AK7: variants seen among roughly 807,000 people sequenced by gnomAD.
AK7 encodes adenylate kinase 7.
A neutral mutation model predicts 96.6 loss-of-function variants in AK7; 78 were observed. The observed-to-expected ratio is 0.81, with a 90% CI of 0.67 to 0.97. The LOEUF is 0.97. AK7 is among the 50% of genes least tolerant of loss of function. The probability of loss-of-function intolerance (pLI) is 0.00; values close to 1 mark genes in which losing one functional copy is unlikely to be tolerated. For missense variants in AK7, 855 were observed against 887.9 expected (o/e 0.96, Z 0.47); for synonymous variants, 302 against 317.2 (o/e 0.95, Z 0.51).
At chr14:96,478,224 G>T (rs979290356) in intron 14 of AK7, among the ~76,000 whole-genome samples, 3 of 150,220 alleles carry the variant, frequency 2.0e-5, no homozygotes, top group Admixed American at 1.3e-4. Context: ...AGAGAGGGAG[G>T]GGGGAAGAAA....
At chr14:96,425,219 A>C (rs1162294224) in intron 5 of AK7, among the ~76,000 whole-genome samples, 1 of 152,212 alleles carries the variant, frequency 6.6e-6, no homozygotes, top group African/African-American at 2.4e-5. Flanking sequence ...TGGCCCAGGC[A>C]CTGTGATGAG....
intron 5 of AK7, among the ~76,000 whole-genome samples, chr14:96,423,106 C>G (rs1194702934): frequency 2.6e-5 from 4 of 152,136 alleles, no homozygotes; most frequent in African/African-American, 9.7e-5. Context: ...AGGGCCATGC[C>G]CCAACAACAG....
At chr14:96,487,432 C>CTTT (rs1164556067) in intron 17 of AK7, among the ~76,000 whole-genome samples, 1 of 119,542 alleles carries the variant, frequency 8.4e-6, no homozygotes, top group Non-Finnish European at 1.7e-5. Context: ...CTGCCTGAAT[C>CTTT]TTTTTTTTTT....
intron 3 of AK7, among the ~76,000 whole-genome samples, chr14:96,405,792 T>C (rs967977416): frequency 2.0e-5 from 3 of 152,222 alleles, no homozygotes; most frequent in Non-Finnish European, 4.4e-5. Flanking sequence ...TAGAGAGTGC[T>C]TGTATTTTGA....
chr14:96,392,597 TG>T (rs1889816679), intron 1 of AK7, among the ~76,000 whole-genome samples: 1 of 152,214 alleles, frequency 6.6e-6, no homozygotes, highest in South Asian at 2.1e-4. Context: ...CCAGGTCTCT[TG>T]CCCCCTCCTA....
At position 96,398,061 on chromosome 14, in the gene AK7, C is replaced by G. The variant is rs193004081; in HGVS notation, c.106-14C>G. 3 of 1,607,932 alleles carry G rather than the reference C, an allele frequency of 1.9e-6. No homozygotes were observed. Among genetic ancestry groups the G allele is most frequent in the Non-Finnish European group, 2.6e-6 (3 of 1,176,342 alleles). ...TTTTCTCTTACCATTTGGGAAATTT[C>G]TGTTTCCTTGCAGTTTCTATCTAAC... On this transcript the variant is annotated splice_polypyrimidine_tract_variant and intron_variant, in intron 1 of 17. Transcript: ENST00000267584.
At chr14:96,410,491 A>G (rs1040105338) in intron 4 of AK7, among the ~76,000 whole-genome samples, 1 of 152,134 alleles carries the variant, frequency 6.6e-6, no homozygotes, top group Non-Finnish European at 1.5e-5. Context: ...TCTTTCTTTT[A>G]TGGTTTCTTT....
intron 14 of AK7, 37 bp downstream of exon 14, chr14:96,472,792 G>A (rs1894968632): frequency 2.6e-6 from 4 of 1,567,954 alleles, no homozygotes; most frequent in African/African-American, 2.7e-5. Flanking sequence ...TTAAAAGAAT[G>A]TTCTCTGGGC....
At chr14:96,454,937 G>T (rs61983061) in intron 10 of AK7, among the ~76,000 whole-genome samples, 1 of 152,090 alleles carries the variant, frequency 6.6e-6, no homozygotes, top group Non-Finnish European at 1.5e-5. Flanking sequence ...GGTCGAGGCG[G>T]GTGGATCACC....
chr14:96,480,909 C>T (rs918668055), intron 15 of AK7, among the ~76,000 whole-genome samples: 1 of 152,232 alleles, frequency 6.6e-6, no homozygotes, highest in Non-Finnish European at 1.5e-5. Flanking sequence ...GCAGCCCGGC[C>T]TCTGCAATGT....
chr14:96,424,819 A>AT (rs1891928047), intron 5 of AK7, among the ~76,000 whole-genome samples: 1 of 152,176 alleles, frequency 6.6e-6, no homozygotes. Flanking sequence ...TCTAAATTCC[A>AT]TAACTATGTT....
intron 4 of AK7, among the ~76,000 whole-genome samples, chr14:96,416,496 C>T (rs897994056): frequency 1.3e-5 from 2 of 152,138 alleles, no homozygotes; most frequent in Middle Eastern, 3.4e-3. Flanking sequence ...ATGTTCTTTA[C>T]CTCCTAGAAA....
chr14:96,418,703 G>A (rs1315782694), intron 4 of AK7, among the ~76,000 whole-genome samples: 3 of 152,062 alleles, frequency 2.0e-5, no homozygotes, highest in Non-Finnish European at 2.9e-5. Context: ...ATTTTTAGTA[G>A]AGACAGGGTT....
At chr14:96,467,046 TAAAAAAAA>T (rs11295444) in intron 12 of AK7, among the ~76,000 whole-genome samples, 1 of 137,968 alleles carries the variant, frequency 7.2e-6, no homozygotes, top group Non-Finnish European at 1.5e-5. Context: ...GACGAATATG[TAAAAAAAA>T]AAAAAAAAGG....
At chr14:96,448,123 TG>T (rs1893349617) in intron 8 of AK7, among the ~76,000 whole-genome samples, 1 of 145,550 alleles carries the variant, frequency 6.9e-6, no homozygotes, top group Non-Finnish European at 1.5e-5. Flanking sequence ...AGTGAGACCC[TG>T]TCAAAAAAAA....
At chr14:96,485,959 T>C (rs1162743444) in intron 16 of AK7, among the ~76,000 whole-genome samples, 1 of 151,438 alleles carries the variant, frequency 6.6e-6, no homozygotes, top group Non-Finnish European at 1.5e-5. Context: ...CCGCGCCCGG[T>C]TAATTTTTTT....
At position 96,392,159 on chromosome 14, in the gene AK7, C is replaced by T; in HGVS notation, c.5C>T (p.Ala2Val). The stretch of plus-strand genomic sequence containing the variant: ...GCAACCAGCGCGGCTCCCACCATGG[C>T]TGAAGAAGAGGAAACTGCTGCTCTC... MAEEEETAALTE... is the reference protein window; with the variant it reads MVEEEETAALTE... The change falls in exon 1 of 18, where the codon GCT becomes GTT. Residue 2 changes from alanine to valine, a missense_variant. By Grantham distance (64) the Ala-to-Val change is moderately conservative. Coordinates refer to ENST00000267584, the MANE Select transcript of AK7 (RefSeq NM_152327.5). The T allele has an allele frequency of 6.2e-7, 1 of 1,612,826 alleles. No homozygotes were observed. Among genetic ancestry groups the T allele is most frequent in the Non-Finnish European group, 8.5e-7 (1 of 1,178,898 alleles).
chr14:96,402,945 A>G (rs1055703822), intron 2 of AK7, among the ~76,000 whole-genome samples: 1 of 151,994 alleles, frequency 6.6e-6, no homozygotes, highest in African/African-American at 2.4e-5. Context: ...CCCGGCCAAC[A>G]TTGTGAAACC....
chr14:96,472,635 C>A (rs1181558651), intron 13 of AK7, 52 bp from the exon 14 acceptor site: 1 of 1,470,470 alleles, frequency 6.8e-7, no homozygotes, highest in African/African-American at 1.4e-5. Context: ...TTGCTGTGAT[C>A]CATAGTAATA....
Sources: allele counts gnomAD v4.1 joint callset (sites outside exome capture counted in the v4.1 genomes callset), GRCh38; gene constraint gnomAD v4.1.1; transcripts MANE v1.5; gene names NCBI Gene and HGNC (gene_info 2026-07-23, HGNC 2026-07-21).